The following CADM1 variants were observed in gnomAD, a reference collection of about 807,000 sequenced individuals.
The protein encoded by CADM1 is TSLC-1.
Under a neutral mutation model 53.1 loss-of-function variants are expected in CADM1, and 15 were observed. The observed-to-expected ratio is 0.28, with a 90% CI of 0.19 to 0.44. The LOEUF (loss-of-function observed/expected upper bound fraction) is 0.44, where lower values mean the gene tolerates loss of function less well. Among genes scored for constraint, CADM1 ranks in the 20% least tolerant of loss-of-function variants. The pLI is 1.00. For synonymous variants in CADM1, 281 were observed against 243.0 expected, an observed-to-expected ratio of 1.16 and a Z score of -1.45; for missense variants, 434 against 611.3, an observed-to-expected ratio of 0.71 and a Z score of 3.06.
intron 9 of CADM1, among the ~76,000 whole-genome samples, chr11:115,195,543 C>T (rs1428776617): frequency 1.3e-5 from 2 of 152,186 alleles, no homozygotes; most frequent in Non-Finnish European, 2.9e-5. Flanking sequence ...AGTTATCAAA[C>T]CTTTCAACAT....
intron 1 of CADM1, among the ~76,000 whole-genome samples, chr11:115,274,488 A>T (rs1943389666): frequency 6.6e-6 from 1 of 152,200 alleles, no homozygotes; most frequent in Admixed American, 6.5e-5. Flanking sequence ...GTTTCATACA[A>T]CTTGTTAATA....
chr11:115,246,598 C>T (rs1277709407), intron 1 of CADM1, among the ~76,000 whole-genome samples: 1 of 152,114 alleles, frequency 6.6e-6, no homozygotes, highest in Non-Finnish European at 1.5e-5. Context: ...AGCATGAGGC[C>T]CAGCCACGAG....
At chr11:115,272,077 A>ATT (rs5794962) in intron 1 of CADM1, among the ~76,000 whole-genome samples, 417 of 148,080 alleles carry the variant, frequency 2.8e-3, no homozygotes, top group African/African-American at 8.2e-3. Context: ...TTCATTATAG[A>ATT]TTTTTTTTTT....
At chr11:115,276,399 GA>G (rs1327616201) in intron 1 of CADM1, among the ~76,000 whole-genome samples, 1 of 152,174 alleles carries the variant, frequency 6.6e-6, no homozygotes, top group Non-Finnish European at 1.5e-5. Flanking sequence ...ATGGGAGAAG[GA>G]AAAGAGGTAG....
chr11:115,228,811 A>G (rs1941710200), intron 5 of CADM1, among the ~76,000 whole-genome samples: 2 of 152,190 alleles, frequency 1.3e-5, no homozygotes, highest in African/African-American at 4.8e-5. Context: ...ATTACCCTAG[A>G]TTTTGCAGTT....
intron 1 of CADM1, among the ~76,000 whole-genome samples, chr11:115,366,269 A>C (rs1224800039): frequency 6.6e-6 from 1 of 152,244 alleles, no homozygotes; most frequent in Non-Finnish European, 1.5e-5. Flanking sequence ...TGCCTGTCTC[A>C]GTGCCTCCTT....
At chr11:115,378,292 T>C (rs1206014335) in intron 1 of CADM1, among the ~76,000 whole-genome samples, 1 of 152,082 alleles carries the variant, frequency 6.6e-6, no homozygotes, top group Non-Finnish European at 1.5e-5. Flanking sequence ...ATAAGTCAAT[T>C]CCGCCACCTT....
chr11:115,454,125 G>T (rs1307584184), intron 1 of CADM1, among the ~76,000 whole-genome samples: 1 of 151,664 alleles, frequency 6.6e-6, no homozygotes, highest in East Asian at 1.9e-4. Context: ...ATTAACAAAG[G>T]TCTCTCTTTT....
At chr11:115,275,432 C>T (rs1943418464) in intron 1 of CADM1, among the ~76,000 whole-genome samples, 1 of 152,114 alleles carries the variant, frequency 6.6e-6, no homozygotes, top group Non-Finnish European at 1.5e-5. Flanking sequence ...ACAACGTGAC[C>T]TTAGGAGATA....
At chr11:115,424,846 T>C (rs1266685163) in intron 1 of CADM1, among the ~76,000 whole-genome samples, 1 of 152,106 alleles carries the variant, frequency 6.6e-6, no homozygotes. Context: ...CTTTTCTATA[T>C]ATACAAACAA....
At chr11:115,342,585 A>T (rs1199573944) in intron 1 of CADM1, among the ~76,000 whole-genome samples, 4 of 152,164 alleles carry the variant, frequency 2.6e-5, no homozygotes, top group Admixed American at 2.0e-4. Context: ...GATATGCTTC[A>T]CTATCTTCAT....
At chr11:115,268,701 A>G (rs1943212838) in intron 1 of CADM1, among the ~76,000 whole-genome samples, 1 of 152,218 alleles carries the variant, frequency 6.6e-6, no homozygotes, top group South Asian at 2.1e-4. Flanking sequence ...TAATGGTGTT[A>G]GCAATCACAG....
intron 9 of CADM1, among the ~76,000 whole-genome samples, chr11:115,193,074 A>G (rs1939967692): frequency 6.6e-6 from 1 of 152,236 alleles, no homozygotes; most frequent in African/African-American, 2.4e-5. Flanking sequence ...AGTGGGGACG[A>G]GCAAAATTTA....
chr11:115,178,991 G>T, intron 10 of CADM1: 9 of 589,362 alleles, frequency 1.5e-5, no homozygotes, highest in South Asian at 1.4e-4. Context: ...ATGATAAGCA[G>T]CATAGGAGGG....
chr11:115,193,917 C>G (rs1045505466), intron 9 of CADM1: 1 of 152,162 alleles, frequency 6.6e-6, no homozygotes, highest in Non-Finnish European at 1.5e-5. Context: ...CAGACGCCCC[C>G]GGGAGTTTTA....
chr11:115,433,200 T>C (rs1948100358), intron 1 of CADM1, among the ~76,000 whole-genome samples: 1 of 152,226 alleles, frequency 6.6e-6, no homozygotes, highest in Admixed American at 6.5e-5. Flanking sequence ...TTTCTTCTTC[T>C]TCTTCTACAA....
chr11:115,249,066 T>C (rs186497591), intron 1 of CADM1, among the ~76,000 whole-genome samples: 24 of 152,364 alleles, frequency 1.6e-4, no homozygotes, highest in South Asian at 6.2e-4. Flanking sequence ...GATTTGATTC[T>C]GTGATGCTCG....
chr11:115,184,112 TATG>T (rs1183389009), intron 10 of CADM1, among the ~76,000 whole-genome samples: 1 of 152,082 alleles, frequency 6.6e-6, no homozygotes, highest in African/African-American at 2.4e-5. Flanking sequence ...GCTTAGTGAC[TATG>T]ATGTCATTTG....
At chr11:115,343,076 T>A (rs1488850825) in intron 1 of CADM1, among the ~76,000 whole-genome samples, 1 of 152,190 alleles carries the variant, frequency 6.6e-6, no homozygotes, top group East Asian at 1.9e-4. Flanking sequence ...AAAATGATTA[T>A]CTTGTATTGT....
Sources: gnomAD v4.1 joint callset for allele counts (sites outside exome capture counted in the v4.1 genomes callset) on GRCh38, gnomAD v4.1.1 for gene constraint, MANE v1.5 for transcripts, NCBI Gene and HGNC (gene_info 2026-07-23, HGNC 2026-07-21) for gene names.